The following PAQR3 variants were observed in gnomAD, a reference collection of about 807,000 sequenced individuals.
The protein encoded by PAQR3 is progestin and adipoQ receptor family member 3, also known as Raf kinase trapping to Golgi.
A neutral mutation model predicts 41.7 loss-of-function variants in PAQR3; 39 were observed. The ratio of observed to expected loss-of-function variants is 0.93; its 90% CI spans 0.72 to 1.22. The LOEUF is 1.22. PAQR3 is among the 50% of genes most tolerant of loss of function. PAQR3 has a pLI of 0.00. For missense variants in PAQR3, 366 were observed against 385.6 expected (o/e 0.95, Z 0.42); for synonymous variants, 140 against 140.6 (o/e 1.00, Z 0.03).
chr4:78,925,294 C>G (rs1736076900), intron 4 of PAQR3, among the ~76,000 whole-genome samples: 1 of 152,114 alleles, frequency 6.6e-6, no homozygotes, highest in African/African-American at 2.4e-5. Context: ...ATTTTGGTCA[C>G]TTCTGTATCA....
In PAQR3 at chr4:78,915,712, T is replaced by C. The variant is rs1373907700; in HGVS notation, c.*4827A>G. ...AAAAATGGAATTGCAACCACAATCA[T>C]ATCTAAGAGAACATTCACTCCTAGT... On this transcript the variant is annotated 3_prime_UTR_variant, in exon 6 of 6. Transcript: ENST00000512733. 1.3e-5 allele frequency: 2 copies of C among 152,036 alleles called. No individual in the cohort carries two copies. Among genetic ancestry groups the C allele is most frequent in the Non-Finnish European group, 2.9e-5 (2 of 67,932 alleles). The allele number at this position is 152,036 out of a possible 1,614,324, so 9.4% of individuals were successfully genotyped here. A position where few individuals can be genotyped will look rare whatever the true frequency, so the allele number is the denominator to read the frequency against.
At position 78,917,881 on chromosome 4, in the gene PAQR3, C is replaced by G. The variant is rs559703857; in HGVS notation, c.*2658G>C. The G allele has an allele frequency of 2.0e-6, 2 of 985,028 alleles. No homozygotes were observed. Among genetic ancestry groups the G allele is most frequent in the African/African-American group, 3.5e-5 (2 of 57,228 alleles). The allele number at this position is 985,028 out of a possible 1,614,324, so 61.0% of individuals were successfully genotyped here. A position where few individuals can be genotyped will look rare whatever the true frequency, so the allele number is the denominator to read the frequency against. On this transcript the variant is annotated 3_prime_UTR_variant, in exon 6 of 6. Coordinates refer to ENST00000512733, the MANE Select transcript of PAQR3 (RefSeq NM_001040202.2). Reference sequence around the variant, plus strand: ...ATTCCCTGAATCTTCGTTCCTGATTCTAAAATATGATTTTAAAGCTGTTAT... The same window carrying G: ...ATTCCCTGAATCTTCGTTCCTGATTGTAAAATATGATTTTAAAGCTGTTAT...
Position 78,930,236 on chromosome 4 carries a change from T to A in PAQR3, c.438A>T (p.Ala146=). Residue 146 remains alanine (A), a synonymous_variant, in exon 3 of 6, where the codon GCA becomes GCT. Coordinates refer to ENST00000512733, the MANE Select transcript of PAQR3 (RefSeq NM_001040202.2). ...AGCCCAGTATTCCAATAGAAATTCC[T>A]GCATAATCTAATGCCATCCATCTTC... ...TCRRWMALDY[A]GISIGILGCY... is the part of the protein sequence containing the mutation. The A allele has an allele frequency of 6.2e-7, 1 of 1,613,764 alleles. No homozygotes were observed. The highest frequency in any genetic ancestry group is 1.1e-5 in the South Asian group (1 of 91,012).
rs928373536 is a variant in PAQR3 at position 78,915,686 on chromosome 4, A to T, written c.*4853T>A. The T allele has an allele frequency of 3.9e-5, 6 of 151,984 alleles. No individual in the cohort carries two copies. The highest frequency in any genetic ancestry group is 9.7e-5 in the African/African-American group (4 of 41,438). 9.4% of individuals were successfully genotyped at this position (151,984 alleles called of 1,614,324 possible). On this transcript the variant is annotated 3_prime_UTR_variant, in exon 6 of 6. Transcript: ENST00000512733. Reference sequence around the variant, plus strand: ...TACTGTGGAGTTAATGTGAATTTTTAAAAAATGGAATTGCAACCACAATCA... The same window carrying T: ...TACTGTGGAGTTAATGTGAATTTTTTAAAAATGGAATTGCAACCACAATCA...
chr4:78,904,233 G>T (rs1427064731), intron 11 of PAQR3, among the ~76,000 whole-genome samples: 10 of 151,966 alleles, frequency 6.6e-5, no homozygotes, highest in African/African-American at 2.4e-4. Flanking sequence ...AGATTGAAGA[G>T]AAAAAAGTTC....
chr4:78,914,759 ATAT>A lies in PAQR3; in HGVS notation c.*5777_*5779del, dbSNP rs970855774. The A allele has an allele frequency of 6.6e-6, 1 of 150,616 alleles. No homozygotes were observed. Among genetic ancestry groups the A allele is most frequent in the Non-Finnish European group, 1.5e-5 (1 of 67,606 alleles). 9.3% of individuals were successfully genotyped at this position (150,616 alleles called of 1,614,324 possible). A position where few individuals can be genotyped will look rare whatever the true frequency, so the allele number is the denominator to read the frequency against. ...ATATATTTGGGGTTTTTTTTCCCTAATATTATTTGGGTGTCCCCTGTGCTTCTT... is the reference window on the plus strand; with the variant it reads ...ATATATTTGGGGTTTTTTTTCCCTAATATTTGGGTGTCCCCTGTGCTTCTT... On this transcript the variant is annotated 3_prime_UTR_variant, in exon 6 of 6. Transcript: ENST00000512733.
downstream of PAQR3, among the ~76,000 whole-genome samples, chr4:78,909,818 T>C (rs1378586871): frequency 1.3e-5 from 2 of 152,214 alleles, no homozygotes; most frequent in Non-Finnish European, 2.9e-5. Context: ...GCAGAAACCA[T>C]GTTTCTTTTA....
chr4:78,918,948 T>A lies in PAQR3; in HGVS notation c.*1591A>T, dbSNP rs2110128163. 1.0e-6 allele frequency: 1 copy of A among 985,028 alleles called. No homozygotes were observed. Among genetic ancestry groups the A allele is most frequent in the Non-Finnish European group, 1.2e-6 (1 of 829,732 alleles). 61.0% of individuals were successfully genotyped at this position (985,028 alleles called of 1,614,324 possible). ...GGATCAAAATTTTAACCTTATAAGGTAAAACAGCCATTTTCAAAGCAGCCT... is the reference window on the plus strand; with the variant it reads ...GGATCAAAATTTTAACCTTATAAGGAAAAACAGCCATTTTCAAAGCAGCCT... On this transcript the variant is annotated 3_prime_UTR_variant, in exon 6 of 6. Coordinates refer to ENST00000512733, the MANE Select transcript of PAQR3 (RefSeq NM_001040202.2).
chr4:78,930,880 TTATATATATA>T (rs147412098), intron 2 of PAQR3, among the ~76,000 whole-genome samples: 10 of 150,276 alleles, frequency 6.7e-5, no homozygotes, highest in East Asian at 1.9e-4. Context: ...CATGCACACA[TTATATATATA>T]TATATATATA....
chr4:78,936,050 G>A (rs1737397465), intron 1 of PAQR3, among the ~76,000 whole-genome samples: 1 of 152,152 alleles, frequency 6.6e-6, no homozygotes, highest in South Asian at 2.1e-4. Flanking sequence ...ACCACCCTGA[G>A]TCAAGAGGCT....
Position 78,926,626 on chromosome 4 carries a change from C to T in PAQR3, c.597G>A (p.Trp199Ter). The change falls in exon 4 of 6, where the codon TGG becomes TGA. Residue 199 changes from tryptophan (W) to a stop codon, truncating the protein, a stop_gained. Coordinates refer to ENST00000512733, the MANE Select transcript of PAQR3 (RefSeq NM_001040202.2). LOFTEE classifies it high-confidence loss of function. ...AAAAGATGATAGAACGGAGCCTTTG[C>T]CATTGCTGCGTGAGGTAATTGGGAT... ...QIHPNYLTQQWQRLRSIIFCS... is the reference protein window; with the variant it reads ...QIHPNYLTQQ The T allele has an allele frequency of 6.2e-7, 1 of 1,613,888 alleles. No homozygotes were observed. Among genetic ancestry groups the T allele is most frequent in the Non-Finnish European group, 8.5e-7 (1 of 1,179,812 alleles).
chr4:78,932,113 A>G (rs1453622301), intron 2 of PAQR3, among the ~76,000 whole-genome samples: 2 of 152,200 alleles, frequency 1.3e-5, no homozygotes, highest in African/African-American at 2.4e-5. Flanking sequence ...AGCTATTAAT[A>G]TTTTATATTC....
At chr4:78,893,945 T>C (rs986517222) in intron 11 of PAQR3, among the ~76,000 whole-genome samples, 5 of 152,208 alleles carry the variant, frequency 3.3e-5, no homozygotes, top group African/African-American at 1.2e-4. Context: ...AAAACAACAG[T>C]AATCTTCTTG....
intron 11 of PAQR3, among the ~76,000 whole-genome samples, chr4:78,897,407 T>G (rs911345077): frequency 1.5e-4 from 23 of 152,124 alleles, no homozygotes; most frequent in African/African-American, 4.8e-4. Flanking sequence ...AAGTGAAGAT[T>G]ATGTAGCAAT....
In PAQR3 at chr4:78,919,060, G is replaced by A. The variant is rs1560569044; in HGVS notation, c.*1479C>T. The A allele has an allele frequency of 5.1e-6, 5 of 984,900 alleles. No homozygotes were observed. Among genetic ancestry groups the A allele is most frequent in the Non-Finnish European group, 6.0e-6 (5 of 829,634 alleles). 61.0% of individuals were successfully genotyped at this position (984,900 alleles called of 1,614,324 possible). A position where few individuals can be genotyped will look rare whatever the true frequency, so the allele number is the denominator to read the frequency against. On this transcript the variant is annotated 3_prime_UTR_variant, in exon 6 of 6. Transcript: ENST00000512733. Reference sequence around the variant, plus strand: ...CTTTGCTGAGATACTATACTAGCATGGGGAATTTATATTCCAAAAACACTA... The same window carrying A: ...CTTTGCTGAGATACTATACTAGCATAGGGAATTTATATTCCAAAAACACTA...
At chr4:78,897,084 T>A (rs1000237370) in intron 11 of PAQR3, among the ~76,000 whole-genome samples, 3 of 151,528 alleles carry the variant, frequency 2.0e-5, no homozygotes, top group South Asian at 2.1e-4. Flanking sequence ...TAGTATGATT[T>A]TATATATATA....
chr4:78,937,603 G>A (rs1163249483), intron 1 of PAQR3, among the ~76,000 whole-genome samples: 1 of 151,906 alleles, frequency 6.6e-6, no homozygotes, highest in East Asian at 1.9e-4. Flanking sequence ...TTCACACACA[G>A]AATCTTACTG....
intron 11 of PAQR3, among the ~76,000 whole-genome samples, chr4:78,891,865 T>C (rs1189533587): frequency 6.6e-6 from 1 of 152,184 alleles, no homozygotes; most frequent in Non-Finnish European, 1.5e-5. Flanking sequence ...AGAAATCCTT[T>C]AGTTTGATAC....
At chr4:78,934,083 CAGAA>C (rs1355531228) in intron 2 of PAQR3, among the ~76,000 whole-genome samples, 8 of 151,542 alleles carry the variant, frequency 5.3e-5, no homozygotes, top group African/African-American at 1.5e-4. Context: ...AATTAAACCT[CAGAA>C]AGAGTTTATT....
Sources: allele counts gnomAD v4.1 joint callset (sites outside exome capture counted in the v4.1 genomes callset), GRCh38; gene constraint gnomAD v4.1.1; transcripts MANE v1.5; gene names NCBI Gene and HGNC (gene_info 2026-07-23, HGNC 2026-07-21).